SLC17A7: variants seen among roughly 807,000 people sequenced by gnomAD.
SLC17A7 encodes the protein solute carrier family 17 member 7.
Under a neutral mutation model 59.1 loss-of-function variants are expected in SLC17A7, and 15 were observed. That is an observed-to-expected ratio of 0.25 (90% CI 0.17 to 0.39). The LOEUF is 0.39. SLC17A7 is among the 10% of genes least tolerant of loss of function. The pLI is 1.00. For missense variants in SLC17A7, 499 were observed against 765.1 expected (o/e 0.65, Z 4.10); for synonymous variants, 353 against 308.9 (o/e 1.14, Z -1.50).
chr19:49,439,407 G>C (rs1000290915), intron 1 of SLC17A7, among the ~76,000 whole-genome samples: 4 of 152,138 alleles, frequency 2.6e-5, no homozygotes, highest in African/African-American at 9.7e-5. Flanking sequence ...GAGGCACCTT[G>C]GGTTCTCATC....
Position 49,429,774 on chromosome 19 carries a change from G to A in SLC17A7, c.*745C>T, listed in dbSNP as rs1160699793. 1 of 392,988 alleles carries A rather than the reference G, an allele frequency of 2.5e-6. No homozygotes were observed. The highest frequency in any genetic ancestry group is 4.5e-6 in the Non-Finnish European group (1 of 222,868). 24.3% of individuals were successfully genotyped at this position (392,988 alleles called of 1,614,324 possible). A position where few individuals can be genotyped will look rare whatever the true frequency, so the allele number is the denominator to read the frequency against. ...CAAACCTTTGAGTTCATGGACTGGAGCAGCCACTATTTAGACCTGAAAACC... is the reference window on the plus strand; with the variant it reads ...CAAACCTTTGAGTTCATGGACTGGAACAGCCACTATTTAGACCTGAAAACC... On this transcript the variant is annotated 3_prime_UTR_variant, in exon 12 of 12. Coordinates refer to ENST00000221485, the MANE Select transcript of SLC17A7 (RefSeq NM_020309.4).
rs1406208446 is a variant in SLC17A7, at chr19:49,431,609, C to T, written c.1151-161G>A. ...GGCCTCTTCGCGCCCTCCACGCCACCCGCACCCACCCTAACCAGGCCCCTA... is the reference window on the plus strand; with the variant it reads ...GGCCTCTTCGCGCCCTCCACGCCACTCGCACCCACCCTAACCAGGCCCCTA... On this transcript the variant is annotated intron_variant, in intron 9 of 11. Coordinates refer to ENST00000221485, the MANE Select transcript of SLC17A7 (RefSeq NM_020309.4). The surrounding 1 kb of genome is among the most constrained non-coding windows in gnomAD (Gnocchi z 4.6). 6.6e-6 allele frequency among the ~76,000 whole-genome samples: 1 copy of T among 152,054 alleles called. No homozygotes were observed. The highest frequency in any genetic ancestry group is 1.5e-5 in the Non-Finnish European group (1 of 67,992).
In SLC17A7 at chr19:49,429,456, G is replaced by C. The variant is rs2078949468; in HGVS notation, c.*1063C>G. 2.5e-6 allele frequency: 1 copy of C among 399,052 alleles called. No homozygotes were observed. The highest frequency in any genetic ancestry group is 2.1e-5 in the African/African-American group (1 of 48,622). The allele number at this position is 399,052 out of a possible 1,614,324, so 24.7% of individuals were successfully genotyped here. On this transcript the variant is annotated 3_prime_UTR_variant, in exon 12 of 12. Transcript: ENST00000221485. ...GGGCAGGGCAGGATTTACAGTCACA[G>C]AGACAGAGACACAAAGACACAACCC... is the stretch of plus-strand genomic sequence containing the variant.
rs2078960153 is a variant in SLC17A7 at position 49,431,565 on chromosome 19, C to A, written c.1151-117G>T. The A allele has an allele frequency of 2.5e-6, 2 of 787,356 alleles. No individual in the cohort carries two copies. Among genetic ancestry groups the A allele is most frequent in the South Asian group, 3.4e-5 (2 of 59,556 alleles). The allele number at this position is 787,356 out of a possible 1,614,324, so 48.8% of individuals were successfully genotyped here. A position where few individuals can be genotyped will look rare whatever the true frequency, so the allele number is the denominator to read the frequency against. On this transcript the variant is annotated intron_variant, in intron 9 of 11. Coordinates refer to ENST00000221485, the MANE Select transcript of SLC17A7 (RefSeq NM_020309.4). This position sits in a 1 kb window ranked among gnomAD's most constrained non-coding sequence, Gnocchi z 4.6. The stretch of plus-strand genomic sequence containing the variant: ...CCAAACCGCGTCTATCCACCCCAGT[C>A]TGGCCACCTCCACGCCCAGGCCTCT...
Position 49,432,851 on chromosome 19 carries a change from G to A in SLC17A7, c.977C>T (p.Pro326Leu). 6.3e-7 allele frequency: 1 copy of A among 1,592,628 alleles called. No homozygotes were observed. The highest frequency in any genetic ancestry group is 8.6e-7 in the Non-Finnish European group (1 of 1,169,300). The change falls in exon 8 of 12, where the codon CCC becomes CTC. Residue 326 changes from proline to leucine, a missense_variant. Transcript: ENST00000221485. ...GCCGAACACTTCTTCGAAGTAGGCGGGCTGGGAGATGAGCAGCAGGTAGAA... is the reference window on the plus strand; with the variant it reads ...GCCGAACACTTCTTCGAAGTAGGCGAGCTGGGAGATGAGCAGCAGGTAGAA... ...WTFYLLLISQPAYFEEVFGFE... is the reference protein window; with the variant it reads ...WTFYLLLISQLAYFEEVFGFE...
rs1568633671 is a variant in SLC17A7, at chr19:49,431,466, G to GC, written c.1151-19dup. ...GCCGAAGCCTACGGGGGCGGGGGGG[G>GC]CCCGCGTCTCCTGAGTGTCGGCCGG... is the stretch of plus-strand genomic sequence containing the variant. On this transcript the variant is annotated intron_variant, in intron 9 of 11. Transcript: ENST00000221485. This position sits in a 1 kb window ranked among gnomAD's most constrained non-coding sequence, Gnocchi z 4.6. 1.9e-6 allele frequency: 3 copies of GC among 1,604,922 alleles called. No homozygotes were observed. The highest frequency in any genetic ancestry group is 2.6e-6 in the Non-Finnish European group (3 of 1,173,256).
rs2078968170 is a variant in SLC17A7, at chr19:49,433,366, T to A, written c.867+360A>T. On this transcript the variant is annotated intron_variant, in intron 7 of 11. Coordinates refer to ENST00000221485, the MANE Select transcript of SLC17A7 (RefSeq NM_020309.4). The surrounding 1 kb of genome is among the most constrained non-coding windows in gnomAD (Gnocchi z 5.7). ...AGCCTCCACCCCCAAAGTGTTGGGATTGCAGGCGGAAGCCACTGAGCCTGC... is the reference window on the plus strand; with the variant it reads ...AGCCTCCACCCCCAAAGTGTTGGGAATGCAGGCGGAAGCCACTGAGCCTGC... 4 of 438,464 alleles carry A rather than the reference T, an allele frequency of 9.1e-6. No individual in the cohort carries two copies. The allele number at this position is 438,464 out of a possible 1,614,324, so 27.2% of individuals were successfully genotyped here.
At chr19:49,437,145 A>G (rs1026030362) in intron 1 of SLC17A7, 4 of 381,088 alleles carry the variant, frequency 1.0e-5, no homozygotes, top group African/African-American at 6.1e-5. Flanking sequence ...AGGCCCAAAG[A>G]CTCTCCAGCC....
Position 49,429,765 on chromosome 19 carries a change from T to C in SLC17A7, c.*754A>G, listed in dbSNP as rs2078950651. 3 of 394,302 alleles carry C rather than the reference T, an allele frequency of 7.6e-6. No individual in the cohort carries two copies. Among genetic ancestry groups the C allele is most frequent in the African/African-American group, 2.1e-5 (1 of 48,622 alleles). The allele number at this position is 394,302 out of a possible 1,614,324, so 24.4% of individuals were successfully genotyped here. A position where few individuals can be genotyped will look rare whatever the true frequency, so the allele number is the denominator to read the frequency against. On this transcript the variant is annotated 3_prime_UTR_variant, in exon 12 of 12. Coordinates refer to ENST00000221485, the MANE Select transcript of SLC17A7 (RefSeq NM_020309.4). ...TGGTAGCTTCAAACCTTTGAGTTCATGGACTGGAGCAGCCACTATTTAGAC... is the reference window on the plus strand; with the variant it reads ...TGGTAGCTTCAAACCTTTGAGTTCACGGACTGGAGCAGCCACTATTTAGAC...
Position 49,433,707 on chromosome 19 carries a change from C to G in SLC17A7, c.867+19G>C, listed in dbSNP as rs1417456331. ...TTGCTATCTCTCCCCGCCCCTTCCC[C>G]GAAGATTTGGTCCCGGACCGTGAGG... On this transcript the variant is annotated intron_variant, in intron 7 of 11. Transcript: ENST00000221485. This position sits in a 1 kb window ranked among gnomAD's most constrained non-coding sequence, Gnocchi z 5.7. 6.2e-7 allele frequency: 1 copy of G among 1,614,124 alleles called. No individual in the cohort carries two copies. Among genetic ancestry groups the G allele is most frequent in the South Asian group, 1.1e-5 (1 of 91,084 alleles).
In SLC17A7 at chr19:49,441,432, C is replaced by G. The variant is rs1210904429; in HGVS notation, c.-53G>C. 6 of 1,390,012 alleles carry G rather than the reference C, an allele frequency of 4.3e-6. No homozygotes were observed. The highest frequency in any genetic ancestry group is 1.6e-5 in the African/African-American group (1 of 64,446). 86.1% of individuals were successfully genotyped at this position (1,390,012 alleles called of 1,614,324 possible). On this transcript the variant is annotated 5_prime_UTR_variant, in exon 1 of 12. Coordinates refer to ENST00000221485, the MANE Select transcript of SLC17A7 (RefSeq NM_020309.4). ...CGCGGGTCCCCCCCGCCGATCCCCC[C>G]GCCCGCGGGCCCGGGCGGCCGCGTC...
rs1390898396 is a variant in SLC17A7 at position 49,436,259 on chromosome 19, C to G, written c.315+290G>C. Reference sequence around the variant, plus strand: ...AATTGCTAGTAGGTCCAAAATGGGGCAGGGGCAACCCCTAGGGAACCTGAT... The same window carrying G: ...AATTGCTAGTAGGTCCAAAATGGGGGAGGGGCAACCCCTAGGGAACCTGAT... On this transcript the variant is annotated intron_variant, in intron 2 of 11. Transcript: ENST00000221485. The surrounding 1 kb of genome is among the most constrained non-coding windows in gnomAD (Gnocchi z 4.1). 6.3e-6 allele frequency: 3 copies of G among 476,728 alleles called. No homozygotes were observed. Among genetic ancestry groups the G allele is most frequent in the African/African-American group, 3.8e-5 (2 of 51,994 alleles). The allele number at this position is 476,728 out of a possible 1,614,324, so 29.5% of individuals were successfully genotyped here.
chr19:49,432,255 C>A (rs953300160), intron 9 of SLC17A7, among the ~76,000 whole-genome samples: 10 of 152,254 alleles, frequency 6.6e-5, no homozygotes, highest in Non-Finnish European at 5.9e-5. Context: ...CCAGGCCCAA[C>A]TCGGTCTTCT....
rs1413427933 is a variant in SLC17A7 at position 49,434,549 on chromosome 19, G to GC, written c.637+52dup. ...TCCCCGCTCAGACCCAACAGTCCAG[G>GC]CCCCAACCCCTCCTCCCTCAGATTC... On this transcript the variant is annotated intron_variant, in intron 5 of 11. Coordinates refer to ENST00000221485, the MANE Select transcript of SLC17A7 (RefSeq NM_020309.4). The GC allele has an allele frequency of 1.7e-5, 26 of 1,535,780 alleles. No homozygotes were observed. The Admixed American group carries it at 5.4e-4, about 32-fold the overall frequency.
At chr19:49,430,872 G>A (rs2078956622) in intron 11 of SLC17A7, 60 bp from the exon 12 acceptor site, 4 of 1,563,092 alleles carry the variant, frequency 2.6e-6, no homozygotes, top group East Asian at 2.3e-5. Context: ...GGCGGAGAGA[G>A]GGGGAGGCCT....
In SLC17A7 at chr19:49,433,673, G is replaced by T. The variant is rs1224913696; in HGVS notation, c.867+53C>A. 7 of 1,612,442 alleles carry T rather than the reference G, an allele frequency of 4.3e-6. No individual in the cohort carries two copies. The highest frequency in any genetic ancestry group is 5.1e-6 in the Non-Finnish European group (6 of 1,178,706). Reference sequence around the variant, plus strand: ...CGTCCCTGATCTACACGCTGTGCAGGTTCGTGGCTTGCTATCTCTCCCCGC... The same window carrying T: ...CGTCCCTGATCTACACGCTGTGCAGTTTCGTGGCTTGCTATCTCTCCCCGC... On this transcript the variant is annotated intron_variant, in intron 7 of 11. Coordinates refer to ENST00000221485, the MANE Select transcript of SLC17A7 (RefSeq NM_020309.4). This position sits in a 1 kb window ranked among gnomAD's most constrained non-coding sequence, Gnocchi z 5.7.
At chr19:49,438,724 C>T (rs2078989023) in intron 1 of SLC17A7, among the ~76,000 whole-genome samples, 2 of 152,008 alleles carry the variant, frequency 1.3e-5, no homozygotes, top group African/African-American at 4.8e-5. Flanking sequence ...GTAACTCCCC[C>T]CACCCATCAG....
At position 49,433,101 on chromosome 19, in the gene SLC17A7, G is replaced by C. The variant is rs2078967178; in HGVS notation, c.868-141C>G. ...AACTTCTATGGACCCAAAGGCGCGG[G>C]CTACACCATGTTGCCGTGGGGACCC... is the stretch of plus-strand genomic sequence containing the variant. On this transcript the variant is annotated intron_variant, in intron 7 of 11. Coordinates refer to ENST00000221485, the MANE Select transcript of SLC17A7 (RefSeq NM_020309.4). The surrounding 1 kb of genome is among the most constrained non-coding windows in gnomAD (Gnocchi z 5.7). The C allele has an allele frequency of 3.4e-6, 3 of 873,990 alleles. No homozygotes were observed. In the East Asian group the frequency reaches 8.0e-5, roughly 23 times the overall value. The allele number at this position is 873,990 out of a possible 1,614,324, so 54.1% of individuals were successfully genotyped here.
intron 1 of SLC17A7, among the ~76,000 whole-genome samples, chr19:49,441,034 G>C (rs2122311270): frequency 6.6e-6 from 1 of 152,266 alleles, no homozygotes; most frequent in East Asian, 1.9e-4. Context: ...CGGGGACAGA[G>C]ACCCAGAAGT....
Sources: gnomAD v4.1 joint callset for allele counts (sites outside exome capture counted in the v4.1 genomes callset) on GRCh38, gnomAD v4.1.1 for gene constraint, Gnocchi (gnomAD v3.1) non-coding constraint, MANE v1.5 for transcripts, NCBI Gene and HGNC (gene_info 2026-07-23, HGNC 2026-07-21) for gene names.